The following KANSL1 variants were observed in gnomAD, a reference collection of about 807,000 sequenced individuals.
KANSL1 encodes the protein KAT8 regulatory NSL complex subunit 1.
KANSL1 carries 22 observed loss-of-function variants against 103.6 expected under a neutral mutation model. The ratio of observed to expected loss-of-function variants is 0.21; its 90% CI spans 0.15 to 0.30. The LOEUF (loss-of-function observed/expected upper bound fraction) is 0.30. Ranked by LOEUF, KANSL1 falls within the 10% of genes least tolerant of loss-of-function variation. KANSL1 has a pLI of 1.00. For synonymous variants in KANSL1, 600 were observed against 527.6 expected, an observed-to-expected ratio of 1.14 and a Z score of -1.88; for missense variants, 1,337 against 1,399.8, an observed-to-expected ratio of 0.96 and a Z score of 0.72.
rs780685635 is a variant in KANSL1, at chr17:46,033,089, C to T, written c.2828G>A (p.Arg943Gln). The change falls in exon 13 of 15, where the codon CGG becomes CAG. Residue 943 changes from arginine (R) to glutamine (Q), a missense_variant. Around this residue, in one of 2 missense-constraint regions of KANSL1, gnomAD observed 780 missense variants for 923.4 expected, o/e 0.84. Coordinates refer to ENST00000432791, the MANE Select transcript of KANSL1 (RefSeq NM_015443.4). ...LWTTSVPPQR[R>Q]GSRSYRSSDG... is the part of the protein sequence containing the mutation. ...AAGCCTGCCCCATCACCTGCTGCCC[C>T]GCCGCTGGGGTGGCACACTCGTGGT... 2 of 1,582,192 alleles carry T rather than the reference C, an allele frequency of 1.3e-6. No homozygotes were observed. The highest frequency in any genetic ancestry group is 8.6e-7 in the Non-Finnish European group (1 of 1,163,526).
At chr17:46,106,747 C>A (rs893927235) in intron 2 of KANSL1, among the ~76,000 whole-genome samples, 2 of 152,120 alleles carry the variant, frequency 1.3e-5, no homozygotes, top group African/African-American at 4.8e-5. Flanking sequence ...GCAACAGAAC[C>A]CATCTTCAAG....
intron 2 of KANSL1, among the ~76,000 whole-genome samples, chr17:46,109,414 G>A (rs9897371): frequency 1.1e-4 from 16 of 152,092 alleles, no homozygotes; most frequent in African/African-American, 2.2e-4. Flanking sequence ...TATATGATAC[G>A]TGTAAGATAG....
chr17:46,062,773 G>C (rs764591889), intron 6 of KANSL1, among the ~76,000 whole-genome samples: 1 of 152,096 alleles, frequency 6.6e-6, no homozygotes, highest in African/African-American at 2.4e-5. Context: ...AATTGGGCTG[G>C]GTGTGGTGGC....
chr17:46,141,313 A>T (rs2044409430), intron 2 of KANSL1, among the ~76,000 whole-genome samples: 1 of 152,214 alleles, frequency 6.6e-6, no homozygotes, highest in Non-Finnish European at 1.5e-5. Flanking sequence ...CACAGAGCAA[A>T]ATCCACACTG....
At chr17:46,065,033 T>A (rs1474970655) in intron 6 of KANSL1, among the ~76,000 whole-genome samples, 1 of 152,076 alleles carries the variant, frequency 6.6e-6, no homozygotes, top group African/African-American at 2.4e-5. Context: ...TGGAGTGCAG[T>A]GGCACAACCA....
At chr17:46,104,537 T>A (rs1237830354) in intron 2 of KANSL1, among the ~76,000 whole-genome samples, 1 of 152,262 alleles carries the variant, frequency 6.6e-6, no homozygotes, top group Non-Finnish European at 1.5e-5. Flanking sequence ...CCATGTGTTT[T>A]AACTGTAAGA....
intron 6 of KANSL1, among the ~76,000 whole-genome samples, chr17:46,052,771 T>C (rs1316819855): frequency 7.2e-6 from 1 of 138,158 alleles, no homozygotes; most frequent in African/African-American, 2.7e-5. Context: ...TAAGACTCCA[T>C]CTCTTAAAAT....
At chr17:46,088,069 C>T (rs3912060) in intron 3 of KANSL1, among the ~76,000 whole-genome samples, 21,671 of 151,964 alleles carry the variant, frequency 0.14, 2,124 homozygotes, top group Non-Finnish European at 0.22. Context: ...CGCCATGTCC[C>T]GAGTCAGAGC....
chr17:46,221,159 TTA>T (rs1453594594), intron 1 of KANSL1: 1 of 152,102 alleles, frequency 6.6e-6, no homozygotes, highest in Non-Finnish European at 1.5e-5. Context: ...TCATATTAAA[TTA>T]TGTTTTAATT....
chr17:46,109,701 T>G (rs1393079336), intron 2 of KANSL1, among the ~76,000 whole-genome samples: 1 of 152,220 alleles, frequency 6.6e-6, no homozygotes, highest in Admixed American at 6.5e-5. Context: ...GACATAACAT[T>G]TTTAAAGTCT....
Position 46,170,876 on chromosome 17 carries a change from G to C in KANSL1, c.1268C>G (p.Pro423Arg), listed in dbSNP as rs755930970. The change falls in exon 2 of 15, where the codon CCC becomes CGC. Residue 423 changes from proline (P) to arginine (R), a missense_variant. Around this residue, in one of 2 missense-constraint regions of KANSL1, gnomAD observed 780 missense variants for 923.4 expected, o/e 0.84. Transcript: ENST00000432791. ...TCACAGGGGTACATGACGCTGCTCG[G>C]GATCAGCTCTGGTCAGTTCTTCCTC... ...IEEEELTRAD[P>R]EQRHVPLRRR... 1.2e-6 allele frequency: 2 copies of C among 1,609,012 alleles called. No homozygotes were observed. Among genetic ancestry groups the C allele is most frequent in the Admixed American group, 1.7e-5 (1 of 59,324 alleles).
intron 3 of KANSL1, 34 bp from the exon 4 acceptor site, chr17:46,082,576 G>T: frequency 7.8e-7 from 1 of 1,275,648 alleles, no homozygotes; most frequent in South Asian, 1.3e-5. Flanking sequence ...TAGCATAAGT[G>T]AGCAGTATAA....
At chr17:46,196,874 A>G (rs1039352954), upstream of KANSL1, among the ~76,000 whole-genome samples, 7 of 152,368 alleles carry the variant, frequency 4.6e-5, no homozygotes, top group Admixed American at 2.0e-4. Flanking sequence ...TGAGAGGCCA[A>G]TGTGAGAGTA....
intron 6 of KANSL1, among the ~76,000 whole-genome samples, chr17:46,053,063 G>A (rs1219343263): frequency 4.7e-5 from 7 of 147,758 alleles, no homozygotes; most frequent in African/African-American, 1.5e-4. Flanking sequence ...CAAGGTGGGT[G>A]GATAACCTGA....
At chr17:46,043,808 G>A (rs1216629823) in intron 7 of KANSL1, 1 of 152,148 alleles carries the variant, frequency 6.6e-6, no homozygotes, top group Non-Finnish European at 1.5e-5. Context: ...CCAAGTCATG[G>A]AACACTACCT....
chr17:46,174,279 G>A (rs935313100), intron 1 of KANSL1, among the ~76,000 whole-genome samples: 7 of 152,228 alleles, frequency 4.6e-5, no homozygotes, highest in African/African-American at 1.7e-4. Flanking sequence ...CTGCCTCCTG[G>A]GTTCAAGTGA....
At position 46,171,240 on chromosome 17, in the gene KANSL1, G is replaced by C; in HGVS notation, c.904C>G (p.Gln302Glu). ...ADIESRARRL[Q>E]KRLQVVQAKQ... ...GCTTGCACAACCTGTAAGCGCTTTT[G>C]TAATCTGCGGGCACGGCTCTCAATG... Residue 302 changes from glutamine (Q) to glutamate (E), a missense_variant, in exon 2 of 15, where the codon CAA becomes GAA. By Grantham distance (29) the Gln-to-Glu change is conservative. Coordinates refer to ENST00000432791, the MANE Select transcript of KANSL1 (RefSeq NM_015443.4). 2 of 1,614,118 alleles carry C rather than the reference G, an allele frequency of 1.2e-6. No individual in the cohort carries two copies.
intron 2 of KANSL1, among the ~76,000 whole-genome samples, chr17:46,146,604 C>T (rs2044715598): frequency 8.9e-6 from 1 of 112,418 alleles, no homozygotes; most frequent in Non-Finnish European, 2.4e-5. Flanking sequence ...GAGGCCGAAG[C>T]CGGCGGATCA....
chr17:46,031,534 G>A lies in KANSL1; in HGVS notation c.3260C>T (p.Pro1087Leu), dbSNP rs781609742. Reference sequence around the variant, plus strand: ...TGCCACCAGATGCCGACTCTTGAGGGGGACAATGGGAGGCGAGGTGGGCGC... The same window carrying A: ...TGCCACCAGATGCCGACTCTTGAGGAGGACAATGGGAGGCGAGGTGGGCGC... The part of the protein sequence containing the change: ...EAAPTSPPIV[P>L]LKSRHLVAAA... The change falls in exon 15 of 15, where the codon CCC (proline) becomes CTC (leucine). Residue 1087 changes from proline to leucine, a missense_variant. Around this residue, in one of 2 missense-constraint regions of KANSL1, gnomAD observed 780 missense variants for 923.4 expected, o/e 0.84. Transcript: ENST00000432791. 19 of 1,613,942 alleles carry A rather than the reference G, an allele frequency of 1.2e-5. No homozygotes were observed. The highest frequency in any genetic ancestry group is 1.0e-4 in the Admixed American group (6 of 60,004).
Sources: gnomAD v4.1 joint callset for allele counts (sites outside exome capture counted in the v4.1 genomes callset) on GRCh38, gnomAD v4.1.1 for gene constraint, gnomAD v4.1.1 regional missense constraint, MANE v1.5 for transcripts, NCBI Gene and HGNC (gene_info 2026-07-23, HGNC 2026-07-21) for gene names.